The following KLHL28 variants were observed in gnomAD, a reference collection of about 807,000 sequenced individuals.
KLHL28 encodes the protein kelch-like protein 28.
Under a neutral mutation model 48.3 loss-of-function variants are expected in KLHL28, and 22 were observed. That is an observed-to-expected ratio of 0.46 (90% CI 0.33 to 0.65). KLHL28 has a LOEUF of 0.65. KLHL28 is among the 30% of genes least tolerant of loss of function. The pLI, the probability that KLHL28 is intolerant of heterozygous loss-of-function variation, is 0.03. For missense variants in KLHL28, 527 were observed against 704.3 expected, an observed-to-expected ratio of 0.75 and a Z score of 2.85; for synonymous variants, 243 against 242.4, an observed-to-expected ratio of 1.00 and a Z score of -0.02.
At chr14:44,938,748 T>C (rs1220696105) in intron 2 of KLHL28, among the ~76,000 whole-genome samples, 1 of 152,160 alleles carries the variant, frequency 6.6e-6, no homozygotes, top group African/African-American at 2.4e-5. Flanking sequence ...GGGGCAGGAG[T>C]TGGGCCCCCA....
chr14:44,953,835 A>G (rs1224577402), intron 1 of KLHL28: 1 of 152,236 alleles, frequency 6.6e-6, no homozygotes. Flanking sequence ...AACAAAATCC[A>G]GAAGACATCA....
chr14:44,934,563 A>G lies in KLHL28; in HGVS notation c.900-5T>C. 3 of 1,534,072 alleles carry G rather than the reference A, an allele frequency of 2.0e-6. No homozygotes were observed. The highest frequency in any genetic ancestry group is 2.6e-6 in the Non-Finnish European group (3 of 1,144,594). ...TGAGGAAAGTACATCTCCACACTAA[A>G]GAATAAGCAGAAAAAATATAAAATT... On this transcript the variant is annotated splice_polypyrimidine_tract_variant and splice_region_variant and intron_variant, in intron 2 of 4. Transcript: ENST00000396128.
intron 2 of KLHL28, among the ~76,000 whole-genome samples, chr14:44,943,817 C>A (rs1884207813): frequency 1.3e-5 from 2 of 151,230 alleles, no homozygotes; most frequent in South Asian, 4.2e-4. Context: ...TGGGCCTAAG[C>A]AATCCTCTTG....
Position 44,932,250 on chromosome 14 carries a change from T to TGG in KLHL28, c.1344-711_1344-710dup, listed in dbSNP as rs201731863. 2.1e-3 allele frequency among the ~76,000 whole-genome samples: 165 copies of TGG among 80,008 alleles called. 2 individuals are homozygous for TGG. Among genetic ancestry groups the TGG allele is most frequent in the African/African-American group, 8.8e-3 (153 of 17,470 alleles). The allele number at this position is 80,008 out of a possible 152,430, so 52.5% of individuals were successfully genotyped here. ...GGGGAAAAGAAGAGGAAGAGAGGGG[T>TGG]GGGGGGTGGGGAGAAAAACCTTTAT... is the stretch of plus-strand genomic sequence containing the variant. On this transcript the variant is annotated intron_variant, in intron 3 of 4. Coordinates refer to ENST00000396128, the MANE Select transcript of KLHL28 (RefSeq NM_017658.5).
At chr14:44,943,004 G>C (rs1298486646) in intron 2 of KLHL28, among the ~76,000 whole-genome samples, 1 of 151,876 alleles carries the variant, frequency 6.6e-6, no homozygotes, top group Non-Finnish European at 1.5e-5. Context: ...TTTTTCCAGA[G>C]TTATAATAAT....
chr14:44,928,946 G>T lies in KLHL28; in HGVS notation c.*82C>A. On this transcript the variant is annotated 3_prime_UTR_variant, in exon 5 of 5. Coordinates refer to ENST00000396128, the MANE Select transcript of KLHL28 (RefSeq NM_017658.5). ...AGTTAAAAAGAAAGCAATGCAGCTT[G>T]TGGGTTTCAGAAAACTGGGCCATCC... 7.8e-7 allele frequency: 1 copy of T among 1,276,108 alleles called. No individual in the cohort carries two copies. Among genetic ancestry groups the T allele is most frequent in the Non-Finnish European group, 1.1e-6 (1 of 905,376 alleles). The allele number at this position is 1,276,108 out of a possible 1,614,324, so 79.0% of individuals were successfully genotyped here.
chr14:44,945,318 G>C lies in KLHL28; in HGVS notation c.611C>G (p.Ser204Cys). 1 of 1,614,036 alleles carries C rather than the reference G, an allele frequency of 6.2e-7. No homozygotes were observed. Among genetic ancestry groups the C allele is most frequent in the Non-Finnish European group, 8.5e-7 (1 of 1,180,008 alleles). The change falls in exon 2 of 5, where the codon TCT (serine) becomes TGT (cysteine). Residue 204 changes from serine (S) to cysteine (C), a missense_variant. By Grantham distance (112) the Ser-to-Cys change is moderately radical. Coordinates refer to ENST00000396128, the MANE Select transcript of KLHL28 (RefSeq NM_017658.5). ...TEETVFYALE[S>C]WIKYDVQERQ... ...TTCTTGTACATCATACTTGATCCAAGACTCTAATGCATAAAAAACAGTCTC... is the reference window on the plus strand; with the variant it reads ...TTCTTGTACATCATACTTGATCCAACACTCTAATGCATAAAAAACAGTCTC...
intron 1 of KLHL28, among the ~76,000 whole-genome samples, chr14:44,956,011 G>A (rs913544191): frequency 1.2e-4 from 19 of 152,178 alleles, no homozygotes; most frequent in African/African-American, 2.7e-4. Context: ...AACACCGGAC[G>A]ATGCTAATGT....
chr14:44,958,578 T>G (rs542402313), intron 1 of KLHL28, among the ~76,000 whole-genome samples: 32 of 152,226 alleles, frequency 2.1e-4, no homozygotes, highest in African/African-American at 7.5e-4. Context: ...ATGGAATAAG[T>G]TAGGATATTT....
At position 44,929,128 on chromosome 14, in the gene KLHL28, T is replaced by C. The variant is rs1187445103; in HGVS notation, c.1616A>G (p.Tyr539Cys). The change falls in exon 5 of 5, where the codon TAT becomes TGT. Residue 539 changes from tyrosine to cysteine, a missense_variant. Tyr to Cys is a radical substitution (Grantham distance 194). Transcript: ENST00000396128. ...ATCATATTTCTGCACTGTATTCAGA[T>C]AGGAAGACCCTGAGTGACCACCGAC... ...YVVGGHSGSS[Y>C]LNTVQKYDPI... 1.9e-6 allele frequency: 3 copies of C among 1,613,958 alleles called. No homozygotes were observed. The highest frequency in any genetic ancestry group is 2.5e-6 in the Non-Finnish European group (3 of 1,179,898).
intron 4 of KLHL28, among the ~76,000 whole-genome samples, chr14:44,929,825 T>G (rs1177851301): frequency 2.6e-5 from 4 of 152,160 alleles, no homozygotes; most frequent in Admixed American, 1.3e-4. Context: ...GACACTGAAA[T>G]AAAATAAATA....
chr14:44,935,884 A>ATG (rs1287581538), intron 2 of KLHL28, among the ~76,000 whole-genome samples: 10 of 77,040 alleles, frequency 1.3e-4, no homozygotes, highest in South Asian at 4.5e-4. Context: ...GTATATATAT[A>ATG]TGTGTGTATA....
chr14:44,941,646 G>A (rs10137510), intron 2 of KLHL28, among the ~76,000 whole-genome samples: 18,096 of 138,588 alleles, frequency 0.13, 2,241 homozygotes, highest in African/African-American at 0.33. Context: ...AAAAAAAAAA[G>A]AAAAAGAAAA....
intron 2 of KLHL28, among the ~76,000 whole-genome samples, chr14:44,944,766 G>T (rs888272253): frequency 1.3e-5 from 2 of 152,104 alleles, no homozygotes; most frequent in Non-Finnish European, 2.9e-5. Context: ...AAGAAAGAGA[G>T]AAAATGGAAT....
Position 44,934,559 on chromosome 14 carries a change from C to G in KLHL28, c.900-1G>C, listed in dbSNP as rs767555273. ...ATTCTGAGGAAAGTACATCTCCACACTAAAGAATAAGCAGAAAAAATATAA... is the reference window on the plus strand; with the variant it reads ...ATTCTGAGGAAAGTACATCTCCACAGTAAAGAATAAGCAGAAAAAATATAA... On this transcript the variant is annotated splice_acceptor_variant, in intron 2 of 4. Coordinates refer to ENST00000396128, the MANE Select transcript of KLHL28 (RefSeq NM_017658.5). LOFTEE classifies it high-confidence loss of function. 1 of 1,548,786 alleles carries G rather than the reference C, an allele frequency of 6.5e-7. No individual in the cohort carries two copies. Among genetic ancestry groups the G allele is most frequent in the East Asian group, 2.3e-5 (1 of 44,198 alleles).
chr14:44,930,680 T>C (rs1049809315), intron 4 of KLHL28, among the ~76,000 whole-genome samples: 1 of 152,210 alleles, frequency 6.6e-6, no homozygotes, highest in Non-Finnish European at 1.5e-5. Flanking sequence ...ATAATTCAAA[T>C]ATTCCAAAAT....
intron 1 of KLHL28, among the ~76,000 whole-genome samples, chr14:44,952,080 C>T (rs1244048766): frequency 1.3e-5 from 2 of 151,986 alleles, no homozygotes; most frequent in South Asian, 2.1e-4. Context: ...AGGCTAGTCT[C>T]GAACTCCTGG....
chr14:44,931,665 T>C (rs1883594287), intron 3 of KLHL28, 124 bp from the exon 4 acceptor site: 2 of 691,404 alleles, frequency 2.9e-6, no homozygotes, highest in Non-Finnish European at 4.8e-6. Flanking sequence ...ACAAGAGTAG[T>C]CTGCCACAAA....
At chr14:44,948,214 TG>T (rs1367276445) in intron 1 of KLHL28, among the ~76,000 whole-genome samples, 10 of 152,202 alleles carry the variant, frequency 6.6e-5, no homozygotes, top group African/African-American at 2.4e-4. Context: ...ATTTGCAGAA[TG>T]AGATCATAAT....
Sources: gnomAD v4.1 joint callset for allele counts (sites outside exome capture counted in the v4.1 genomes callset) on GRCh38, gnomAD v4.1.1 for gene constraint, MANE v1.5 for transcripts, NCBI Gene and HGNC (gene_info 2026-07-23, HGNC 2026-07-21) for gene names.